The following AUTS2 variants were observed in gnomAD, a reference collection of about 807,000 sequenced individuals.
The protein encoded by AUTS2 is activator of transcription and developmental regulator AUTS2, also known as autism susceptibility gene 2 protein.
AUTS2 carries 17 observed loss-of-function variants against 112.4 expected under a neutral mutation model. That is an observed-to-expected ratio of 0.15 (90% CI 0.10 to 0.23). The LOEUF is 0.23. Among genes scored for constraint, AUTS2 ranks in the 10% least tolerant of loss-of-function variants. AUTS2 has a pLI of 1.00. For missense variants in AUTS2, 1,510 were observed against 1,701.6 expected, an observed-to-expected ratio of 0.89 and a Z score of 1.98; for synonymous variants, 751 against 702.7, an observed-to-expected ratio of 1.07 and a Z score of -1.09.
intron 1 of AUTS2, among the ~76,000 whole-genome samples, chr7:69,884,834 G>A (rs7779010): frequency 0.35 from 52,600 of 152,058 alleles, 9,531 homozygotes; most frequent in African/African-American, 0.46. Context: ...TGCCTCAACC[G>A]TAATTGTAGG....
intron 4 of AUTS2, among the ~76,000 whole-genome samples, chr7:70,414,705 A>T (rs531024316): frequency 6.6e-6 from 1 of 152,268 alleles, no homozygotes; most frequent in African/African-American, 2.4e-5. Flanking sequence ...CACACACCGA[A>T]AAGGCCTGTC....
rs1808972859 is a variant in AUTS2, at chr7:70,694,685, C to G, written c.691-3884C>G. On this transcript the variant is annotated intron_variant, in intron 5 of 18. Coordinates refer to ENST00000342771, the MANE Select transcript of AUTS2 (RefSeq NM_015570.4). This position sits in a 1 kb window ranked among gnomAD's most constrained non-coding sequence, Gnocchi z 4.1. ...AGCCCCCGCCGCGCCAGCGCGGCCC[C>G]GCGCGCCGCAGGAGCGGCGGGGAGA... is the stretch of plus-strand genomic sequence containing the variant. 2 of 147,590 alleles carry G rather than the reference C, an allele frequency of 1.4e-5. No individual in the cohort carries two copies. The highest frequency in any genetic ancestry group is 4.9e-5 in the African/African-American group (2 of 40,878). 9.1% of individuals were successfully genotyped at this position (147,590 alleles called of 1,614,324 possible). A position where few individuals can be genotyped will look rare whatever the true frequency, so the allele number is the denominator to read the frequency against.
At chr7:69,862,509 A>G (rs1301477878) in intron 1 of AUTS2, among the ~76,000 whole-genome samples, 1 of 152,166 alleles carries the variant, frequency 6.6e-6, no homozygotes, top group African/African-American at 2.4e-5. Flanking sequence ...TCCCTGTAGG[A>G]TGAGACCATT....
chr7:69,857,363 G>C (rs1242409579), intron 1 of AUTS2, among the ~76,000 whole-genome samples: 3 of 152,154 alleles, frequency 2.0e-5, no homozygotes, highest in South Asian at 2.1e-4. Context: ...TCCTGCTGCT[G>C]ATGCAGCAGA....
At chr7:70,117,981 C>T in intron 2 of AUTS2, 151 bp from the exon 3 acceptor site, 1 of 994,502 alleles carries the variant, frequency 1.0e-6, no homozygotes, top group South Asian at 3.4e-5. Flanking sequence ...AACTCCTAAC[C>T]TCGTGATCCT....
chr7:69,835,825 T>C (rs1791697910), intron 1 of AUTS2, among the ~76,000 whole-genome samples: 1 of 152,218 alleles, frequency 6.6e-6, no homozygotes. Context: ...TTGAATGCTA[T>C]ATACAACACC....
At chr7:69,842,160 T>A (rs552209169) in intron 1 of AUTS2, among the ~76,000 whole-genome samples, 3 of 152,342 alleles carry the variant, frequency 2.0e-5, no homozygotes, top group South Asian at 2.1e-4. Flanking sequence ...TAGAATTTTT[T>A]ATCAAGAAAT....
At chr7:70,326,928 T>TC (rs1035202898) in intron 4 of AUTS2, among the ~76,000 whole-genome samples, 3 of 149,306 alleles carry the variant, frequency 2.0e-5, no homozygotes, top group African/African-American at 7.4e-5. Flanking sequence ...TTTTTTTTTT[T>TC]TTTTTTTGTG....
chr7:70,563,870 C>T (rs1156394438), intron 5 of AUTS2, among the ~76,000 whole-genome samples: 1 of 152,110 alleles, frequency 6.6e-6, no homozygotes, highest in African/African-American at 2.4e-5. Context: ...TATTGCTGCT[C>T]CATTTTTTCC....
At chr7:70,408,168 G>A (rs1260423480) in intron 4 of AUTS2, among the ~76,000 whole-genome samples, 3 of 150,604 alleles carry the variant, frequency 2.0e-5, no homozygotes, top group Admixed American at 1.3e-4. Flanking sequence ...GTGACAGAGC[G>A]AGACCCTGTG....
intron 4 of AUTS2, among the ~76,000 whole-genome samples, chr7:70,406,552 T>G (rs926832685): frequency 6.6e-6 from 1 of 152,180 alleles, no homozygotes; most frequent in Admixed American, 6.5e-5. Context: ...CTTGATGAGT[T>G]GTTGGAAAGA....
At chr7:69,998,947 A>G (rs1002488482) in intron 2 of AUTS2, among the ~76,000 whole-genome samples, 29 of 152,200 alleles carry the variant, frequency 1.9e-4, no homozygotes, top group Middle Eastern at 3.2e-3. Flanking sequence ...GACAGAAAGC[A>G]CTGCCAGTGT....
At chr7:70,771,385 G>A (rs960197514) in intron 10 of AUTS2, 164 bp from the exon 11 acceptor site, 6 of 491,872 alleles carry the variant, frequency 1.2e-5, no homozygotes, top group Middle Eastern at 6.1e-4. Flanking sequence ...TTACACATTC[G>A]TGGCACGTCT....
At chr7:69,886,763 T>TTGTGTGTGTGTGTGTGTGTG (rs3220664) in intron 1 of AUTS2, among the ~76,000 whole-genome samples, 1 of 129,774 alleles carries the variant, frequency 7.7e-6, no homozygotes, top group Non-Finnish European at 1.6e-5. Context: ...TTTGACTTCT[T>TTGTGTGTGTGTGTGTGTGTG]TGTGTGTGTG....
chr7:70,757,106 T>G (rs1563175819), intron 6 of AUTS2, among the ~76,000 whole-genome samples: 1 of 152,222 alleles, frequency 6.6e-6, no homozygotes, highest in African/African-American at 2.4e-5. Context: ...GTGACTGACT[T>G]AGTTCGCGCT....
At chr7:70,029,903 A>G (rs1378788080) in intron 2 of AUTS2, among the ~76,000 whole-genome samples, 1 of 152,198 alleles carries the variant, frequency 6.6e-6, no homozygotes, top group South Asian at 2.1e-4. Flanking sequence ...TAATTTACCA[A>G]CCTCTGGCCT....
At chr7:70,212,658 G>C (rs962288631) in intron 4 of AUTS2, among the ~76,000 whole-genome samples, 1 of 150,958 alleles carries the variant, frequency 6.6e-6, no homozygotes, top group Non-Finnish European at 1.5e-5. Context: ...GTGTTGATTT[G>C]ATTTGCTTCC....
chr7:70,088,806 G>T (rs1803757625), intron 2 of AUTS2, among the ~76,000 whole-genome samples: 1 of 151,786 alleles, frequency 6.6e-6, no homozygotes, highest in African/African-American at 2.4e-5. Context: ...TAGAGACGGG[G>T]TTTCACAATG....
At chr7:70,715,395 A>G (rs1383908601) in intron 6 of AUTS2, among the ~76,000 whole-genome samples, 2 of 152,320 alleles carry the variant, frequency 1.3e-5, no homozygotes, top group East Asian at 3.9e-4. Context: ...GTGTGAATTT[A>G]GTCATACCTG....
Sources: gnomAD v4.1 joint callset for allele counts (sites outside exome capture counted in the v4.1 genomes callset) on GRCh38, gnomAD v4.1.1 for gene constraint, Gnocchi (gnomAD v3.1) non-coding constraint, MANE v1.5 for transcripts, NCBI Gene and HGNC (gene_info 2026-07-23, HGNC 2026-07-21) for gene names.